The following SLC43A2 variants were observed in gnomAD, a reference collection of about 807,000 sequenced individuals.
SLC43A2 encodes large neutral amino acids transporter small subunit 4.
In SLC43A2, 38 loss-of-function variants were observed where a neutral mutation model predicts 63.2. That is an observed-to-expected ratio of 0.60 (90% confidence interval 0.46 to 0.79). The LOEUF is 0.79. Ranked by LOEUF, SLC43A2 falls within the 30% of genes least tolerant of loss-of-function variation. The pLI is 0.00. For synonymous variants in SLC43A2, 322 were observed against 331.0 expected (o/e 0.97, Z 0.30); for missense variants, 644 against 756.2 (o/e 0.85, Z 1.74).
In SLC43A2 at chr17:1,575,397, C is replaced by A. The variant is rs75406506; in HGVS notation, c.*207G>T. ...CGGCAGAGCAAAGTCAGGGCAGCCC[C>A]TGCGTTCGGCAGGAGAAAACGCGCG... is the stretch of plus-strand genomic sequence containing the variant. On this transcript the variant is annotated 3_prime_UTR_variant, in exon 14 of 14. Transcript: ENST00000301335. 3 of 652,888 alleles carry A rather than the reference C, an allele frequency of 4.6e-6. No homozygotes were observed. Among genetic ancestry groups the A allele is most frequent in the South Asian group, 1.9e-5 (1 of 51,786 alleles). 40.4% of individuals were successfully genotyped at this position (652,888 alleles called of 1,614,324 possible). A position where few individuals can be genotyped will look rare whatever the true frequency, so the allele number is the denominator to read the frequency against.
chr17:1,628,287 C>T (rs1908875844), intron 1 of SLC43A2: 3 of 160,934 alleles, frequency 1.9e-5, no homozygotes. Context: ...GCATGGAACG[C>T]AGCGTGAGGT....
chr17:1,575,533 C>G lies in SLC43A2; in HGVS notation c.*71G>C, dbSNP rs1332326891. 3.7e-6 allele frequency: 6 copies of G among 1,600,106 alleles called. No homozygotes were observed. Among genetic ancestry groups the G allele is most frequent in the African/African-American group, 1.3e-5 (1 of 74,622 alleles). On this transcript the variant is annotated 3_prime_UTR_variant, in exon 14 of 14. Coordinates refer to ENST00000301335, the MANE Select transcript of SLC43A2 (RefSeq NM_152346.3). Reference sequence around the variant, plus strand: ...GAAGGTCCTGGGGGTGCGTGGGGTACTCTGGAGGGGCAGGACAGGGGTCAG... The same window carrying G: ...GAAGGTCCTGGGGGTGCGTGGGGTAGTCTGGAGGGGCAGGACAGGGGTCAG...
Position 1,575,884 on chromosome 17 carries a change from C to T in SLC43A2, c.1549-119G>A. 13 of 1,171,576 alleles carry T rather than the reference C, an allele frequency of 1.1e-5. No homozygotes were observed. In the South Asian group the frequency reaches 1.6e-4, roughly 14 times the overall value. The allele number at this position is 1,171,576 out of a possible 1,614,324, so 72.6% of individuals were successfully genotyped here. On this transcript the variant is annotated intron_variant, in intron 13 of 13. Coordinates refer to ENST00000301335, the MANE Select transcript of SLC43A2 (RefSeq NM_152346.3). The stretch of plus-strand genomic sequence containing the variant: ...TCACGGGGTGGAAGGGGGAACGAAA[C>T]AGGAAGGCCCACGAGGTCCCATATG...
At chr17:1,600,644 C>T (rs1407701621) in intron 5 of SLC43A2, among the ~76,000 whole-genome samples, 1 of 149,562 alleles carries the variant, frequency 6.7e-6, no homozygotes, top group Admixed American at 6.7e-5. Context: ...ACCTCTGCCT[C>T]CCAGGTTCAA....
intron 3 of SLC43A2, among the ~76,000 whole-genome samples, chr17:1,615,254 C>T (rs1198850991): frequency 2.0e-5 from 3 of 151,780 alleles, no homozygotes; most frequent in African/African-American, 2.4e-5. Context: ...ATATTACAGG[C>T]GCCCACCACC....
chr17:1,590,678 T>G (rs7210368), intron 9 of SLC43A2, 124 bp downstream of exon 9: 867,070 of 1,243,298 alleles, frequency 0.7, 303,310 homozygotes, highest in Admixed American at 0.79. Flanking sequence ...GGCAGACAGC[T>G]CCTGGGATGC....
Position 1,575,613 on chromosome 17 carries a change from G to C in SLC43A2, c.1701C>G (p.Ala567=). 1 of 1,614,072 alleles carries C rather than the reference G, an allele frequency of 6.2e-7. No homozygotes were observed. ...TCCGAGGCGGCAGCCACTACACGAAGGCCTCCTGGTTGGACGAGCCGTTGA... is the reference window on the plus strand; with the variant it reads ...TCCGAGGCGGCAGCCACTACACGAACGCCTCCTGGTTGGACGAGCCGTTGA... ...LKINGSSNQE[A]FV is the part of the protein sequence containing the mutation. Residue 567 remains alanine, a synonymous_variant, in exon 14 of 14, where the codon GCC becomes GCG. Transcript: ENST00000301335.
chr17:1,608,394 T>C (rs1906802363), intron 5 of SLC43A2, among the ~76,000 whole-genome samples: 2 of 151,580 alleles, frequency 1.3e-5, no homozygotes, highest in Admixed American at 6.6e-5. Context: ...GTGGTTTGTG[T>C]GTTTTGTTTT....
rs139969470 is a variant in SLC43A2, at chr17:1,621,431, G to A, written c.161-4662C>T. Among the ~76,000 whole-genome samples the A allele has an allele frequency of 4.3e-3, 655 of 152,256 alleles. 4 individuals are homozygous for A. Among genetic ancestry groups the A allele is most frequent in the African/African-American group, 0.014 (596 of 41,530 alleles). ...CGATGGCCCCTGCCCAGGATCTCCCGTCTCTCAAATCCTTAGTCTATCCGG... is the reference window on the plus strand; with the variant it reads ...CGATGGCCCCTGCCCAGGATCTCCCATCTCTCAAATCCTTAGTCTATCCGG... On this transcript the variant is annotated intron_variant, in intron 2 of 13. Transcript: ENST00000301335.
chr17:1,594,068 G>T (rs1026443830), intron 5 of SLC43A2, among the ~76,000 whole-genome samples: 1 of 152,016 alleles, frequency 6.6e-6, no homozygotes, highest in African/African-American at 2.4e-5. Context: ...CAAGTGATCC[G>T]CCCGCCTCGG....
In SLC43A2 at chr17:1,593,051, A is replaced by C. The variant is rs1368539764; in HGVS notation, c.594+136T>G. Reference sequence around the variant, plus strand: ...TTCATTTGTCGCCCCTGTGATGCCCAGGTGCATCCTGCCCGGGTGGGGGTG... The same window carrying C: ...TTCATTTGTCGCCCCTGTGATGCCCCGGTGCATCCTGCCCGGGTGGGGGTG... On this transcript the variant is annotated intron_variant, in intron 6 of 13. Transcript: ENST00000301335. This position sits in a 1 kb window ranked among gnomAD's most constrained non-coding sequence, Gnocchi z 5.3. 1 of 747,910 alleles carries C rather than the reference A, an allele frequency of 1.3e-6. No individual in the cohort carries two copies. The highest frequency in any genetic ancestry group is 2.3e-6 in the Non-Finnish European group (1 of 441,634). 46.3% of individuals were successfully genotyped at this position (747,910 alleles called of 1,614,324 possible).
At position 1,605,154 on chromosome 17, in the gene SLC43A2, CG is replaced by C; in HGVS notation, c.501+8040del. The C allele has an allele frequency of 8.0e-7, 1 of 1,248,710 alleles. No individual in the cohort carries two copies. The highest frequency in any genetic ancestry group is 1.0e-6 in the Non-Finnish European group (1 of 984,950). 77.4% of individuals were successfully genotyped at this position (1,248,710 alleles called of 1,614,324 possible). On this transcript the variant is annotated intron_variant, in intron 5 of 13. Coordinates refer to ENST00000301335, the MANE Select transcript of SLC43A2 (RefSeq NM_152346.3). This position sits in a 1 kb window ranked among gnomAD's most constrained non-coding sequence, Gnocchi z 4.9. ...CCCCCTCGCCGCCTCTGCCTCCGTG[CG>C]GGTCAACCTGTCCTGCCAGCCCGGG... is the stretch of plus-strand genomic sequence containing the variant.
chr17:1,589,466 G>A (rs1034188771), intron 9 of SLC43A2, among the ~76,000 whole-genome samples: 8 of 152,124 alleles, frequency 5.3e-5, no homozygotes, highest in African/African-American at 1.9e-4. Flanking sequence ...TTAGCTGGGT[G>A]TGGTGGCGCG....
Position 1,578,232 on chromosome 17 carries a change from G to A in SLC43A2, c.1424+18C>T, listed in dbSNP as rs1244384810. The A allele has an allele frequency of 1.2e-6, 2 of 1,610,690 alleles. No homozygotes were observed. The highest frequency in any genetic ancestry group is 1.7e-6 in the Non-Finnish European group (2 of 1,177,488). On this transcript the variant is annotated intron_variant, in intron 12 of 13. Transcript: ENST00000301335. This position sits in a 1 kb window ranked among gnomAD's most constrained non-coding sequence, Gnocchi z 6.5. ...CACACCCTCGCCCACCAGGCCACCT[G>A]CGGCTTCCAGGACTTACACGGCAGC...
At chr17:1,619,513 G>A (rs1400776218) in intron 2 of SLC43A2, among the ~76,000 whole-genome samples, 1 of 152,146 alleles carries the variant, frequency 6.6e-6, no homozygotes, top group Non-Finnish European at 1.5e-5. Flanking sequence ...CCAAAAAGAA[G>A]CTCTACCACA....
At chr17:1,587,308 C>G (rs1174236735) in intron 9 of SLC43A2, among the ~76,000 whole-genome samples, 1 of 152,208 alleles carries the variant, frequency 6.6e-6, no homozygotes, top group African/African-American at 2.4e-5. Flanking sequence ...TGCGGAAGAC[C>G]TGGTGCAATC....
At chr17:1,616,454 C>T in intron 3 of SLC43A2, 108 bp downstream of exon 3, 3 of 1,112,098 alleles carry the variant, frequency 2.7e-6, no homozygotes, top group South Asian at 3.1e-5. Flanking sequence ...CTTCAGGGAG[C>T]TCCACAGTAC....
At chr17:1,615,300 G>A (rs1280880878) in intron 3 of SLC43A2, among the ~76,000 whole-genome samples, 2 of 151,786 alleles carry the variant, frequency 1.3e-5, no homozygotes, top group African/African-American at 2.4e-5. Flanking sequence ...AGTGGAGACA[G>A]GGTTTCACCA....
intron 2 of SLC43A2, among the ~76,000 whole-genome samples, chr17:1,625,292 A>G (rs1908566935): frequency 6.6e-6 from 1 of 152,208 alleles, no homozygotes; most frequent in African/African-American, 2.4e-5. Context: ...CTGGAACCCA[A>G]CACGGTGTCT....
Sources: gnomAD v4.1 joint callset for allele counts (sites outside exome capture counted in the v4.1 genomes callset) on GRCh38, gnomAD v4.1.1 for gene constraint, Gnocchi (gnomAD v3.1) non-coding constraint, MANE v1.5 for transcripts, NCBI Gene and HGNC (gene_info 2026-07-23, HGNC 2026-07-21) for gene names.